PKN3: variants seen among roughly 807,000 people sequenced by gnomAD.
PKN3 encodes protein kinase N3.
A neutral mutation model predicts 113.1 loss-of-function variants in PKN3; 91 were observed. That is an observed-to-expected ratio of 0.80 (90% CI 0.68 to 0.96). PKN3 has a LOEUF of 0.96. PKN3 is among the 40% of genes least tolerant of loss of function. The pLI is 0.00. For missense variants in PKN3, 1,052 were observed against 1,202.2 expected, an observed-to-expected ratio of 0.88 and a Z score of 1.85; for synonymous variants, 467 against 499.0, an observed-to-expected ratio of 0.94 and a Z score of 0.85.
chr9:128,720,069 T>A lies in PKN3; in HGVS notation c.2376+52T>A. ...GCTGGATGGCCGCTCAAGGCCCATG[T>A]GCCCTCTGCCGTGGGACAGCAGACC... On this transcript the variant is annotated intron_variant, in intron 20 of 21. Transcript: ENST00000291906. This position sits in a 1 kb window ranked among gnomAD's most constrained non-coding sequence, Gnocchi z 5.5. 1 of 1,549,196 alleles carries A rather than the reference T, an allele frequency of 6.5e-7. No individual in the cohort carries two copies. The highest frequency in any genetic ancestry group is 8.9e-7 in the Non-Finnish European group (1 of 1,121,468).
In PKN3 at chr9:128,706,758, C is replaced by A. The variant is rs1862030718; in HGVS notation, c.457C>A (p.Gln153Lys). 1 of 1,607,238 alleles carries A rather than the reference C, an allele frequency of 6.2e-7. No individual in the cohort carries two copies. Residue 153 changes from glutamine (Q) to lysine (K), a missense_variant, in exon 4 of 22, where the codon CAG becomes AAG. Gln to Lys is a moderately conservative substitution (Grantham distance 53). This residue lies in a region of PKN3 where 719 missense variants were observed against 759.4 expected (regional missense o/e 0.95). Transcript: ENST00000291906. ...AAAQQMLRDS[Q>K]LKVALLRMKI... is the part of the protein sequence containing the mutation. ...TGCCCAGCAGATGCTGCGGGACAGCCAGCTGAAGGTGGCCCTGCTGCGGAT... is the reference window on the plus strand; with the variant it reads ...TGCCCAGCAGATGCTGCGGGACAGCAAGCTGAAGGTGGCCCTGCTGCGGAT...
At chr9:128,719,575 C>CA in intron 18 of PKN3, 111 bp from the exon 19 acceptor site, 1 of 1,100,894 alleles carries the variant, frequency 9.1e-7, no homozygotes, top group Non-Finnish European at 1.3e-6. Flanking sequence ...TCCTTGGGTA[C>CA]AGGGCAGGGC....
intron 1 of PKN3, chr9:128,703,342 C>G: frequency 1.0e-6 from 1 of 983,582 alleles, no homozygotes; most frequent in Non-Finnish European, 1.2e-6. Context: ...TTAGAATGTG[C>G]GCGCAGCGGG....
At chr9:128,713,742 C>T (rs976697605) in intron 9 of PKN3, 100 bp downstream of exon 9, 201 of 1,241,654 alleles carry the variant, frequency 1.6e-4, no homozygotes, top group Non-Finnish European at 2.0e-4. Context: ...CAGAGACTGA[C>T]GACCAGAGAG....
chr9:128,704,764 C>CCGTCCCTACT (rs1861956648), intron 1 of PKN3, among the ~76,000 whole-genome samples: 1 of 151,866 alleles, frequency 6.6e-6, no homozygotes, highest in African/African-American at 2.4e-5. Flanking sequence ...ACTAAAAATA[C>CCGTCCCTACT]AAAATTAGCC....
chr9:128,718,732 G>T, intron 18 of PKN3, 107 bp downstream of exon 18: 1 of 1,073,564 alleles, frequency 9.3e-7, no homozygotes, highest in Non-Finnish European at 1.4e-6. Context: ...ACCTGCGGAT[G>T]CCCTGGTTCC....
At chr9:128,703,989 G>A (rs918504010) in intron 1 of PKN3, 10 of 985,328 alleles carry the variant, frequency 1.0e-5, no homozygotes, top group African/African-American at 7.0e-5. Flanking sequence ...GGCCTAGGGC[G>A]GTCAGAGGAT....
intron 6 of PKN3, among the ~76,000 whole-genome samples, chr9:128,710,723 C>A (rs1862151223): frequency 6.6e-6 from 1 of 152,006 alleles, no homozygotes; most frequent in African/African-American, 2.4e-5. Flanking sequence ...AACTCCTGAC[C>A]TCAGGTGATC....
In PKN3 at chr9:128,718,358, G is replaced by A. The variant is rs925731096; in HGVS notation, c.2019G>A (p.Gln673=). The A allele has an allele frequency of 3.2e-6, 5 of 1,552,636 alleles. No individual in the cohort carries two copies. In the African/African-American group the frequency reaches 4.1e-5, roughly 13 times the overall value. ...TGGCTTGTGTTGTCCTGGGGCTGCA[G>A]TTCTTACACGAGAAGAAGATCATTT... ...FYVACVVLGL[Q]FLHEKKIIYR... Residue 673 remains glutamine (Q), a synonymous_variant, in exon 17 of 22, where the codon CAG becomes CAA. Transcript: ENST00000291906.
chr9:128,713,087 T>C lies in PKN3; in HGVS notation c.871T>C (p.Leu291=), dbSNP rs1402860438. The C allele has an allele frequency of 1.3e-5, 21 of 1,611,976 alleles. No individual in the cohort carries two copies. The highest frequency in any genetic ancestry group is 1.7e-5 in the Non-Finnish European group (20 of 1,179,178). ...LQVRLLGCEQ[L]LTAVPGRSPA... ...GGTCCGCCTCCTGGGCTGTGAACAG[T>C]TGCTGACAGCCGTGCCTGGGCGCTC... is the stretch of plus-strand genomic sequence containing the variant. Residue 291 remains leucine, a synonymous_variant, in exon 7 of 22, where the codon TTG becomes CTG. Transcript: ENST00000291906.
chr9:128,717,207 C>T (rs934646757), intron 16 of PKN3, among the ~76,000 whole-genome samples: 2 of 135,866 alleles, frequency 1.5e-5, no homozygotes, highest in Admixed American at 1.7e-4. Context: ...CGGCTCACCA[C>T]AACCTCCGCC....
intron 16 of PKN3, among the ~76,000 whole-genome samples, 163 bp from the exon 17 acceptor site, chr9:128,718,162 T>A (rs889796227): frequency 6.6e-6 from 1 of 152,014 alleles, no homozygotes; most frequent in African/African-American, 2.4e-5. Context: ...TTGGGACTAT[T>A]GGAGCACCCC....
At chr9:128,711,302 C>T (rs1175595545) in intron 6 of PKN3, among the ~76,000 whole-genome samples, 1 of 144,662 alleles carries the variant, frequency 6.9e-6, no homozygotes, top group South Asian at 2.2e-4. Flanking sequence ...CACCTCGCCC[C>T]ACCTCTTTTT....
chr9:128,714,998 C>G, intron 13 of PKN3, 133 bp downstream of exon 13: 1 of 1,074,950 alleles, frequency 9.3e-7, no homozygotes, highest in South Asian at 1.3e-5. Context: ...ATTTACTAAA[C>G]CCACATTATT....
chr9:128,709,068 G>A (rs1322314764), intron 6 of PKN3, among the ~76,000 whole-genome samples: 1 of 150,442 alleles, frequency 6.6e-6, no homozygotes, highest in Non-Finnish European at 1.5e-5. Flanking sequence ...GGCGGATCAC[G>A]AGGTCAGGAG....
rs886764421 is a variant in PKN3, at chr9:128,713,538, C to T, written c.1132C>T (p.Arg378Trp). Residue 378 changes from arginine (R) to tryptophan (W), a missense_variant, in exon 9 of 22, where the codon CGG becomes TGG. Transcript: ENST00000291906. The stretch of plus-strand genomic sequence containing the variant: ...GATTGGGGTACACTGGCGGGACTGG[C>T]GGCAGCTATGTGGCGTGGCCTTCCT... ...LEIGVHWRDW[R>W]QLCGVAFLRL... The T allele has an allele frequency of 1.6e-5, 26 of 1,613,746 alleles. No homozygotes were observed. Among genetic ancestry groups the T allele is most frequent in the Non-Finnish European group, 2.0e-5 (24 of 1,179,978 alleles).
At chr9:128,716,706 A>G in intron 15 of PKN3, 41 bp from the exon 16 acceptor site, 1 of 1,565,998 alleles carries the variant, frequency 6.4e-7, no homozygotes. Flanking sequence ...CAGCCCAGGG[A>G]AAGTTTTCCT....
chr9:128,708,569 G>T (rs1862087414), intron 6 of PKN3, among the ~76,000 whole-genome samples: 1 of 152,004 alleles, frequency 6.6e-6, no homozygotes, highest in Non-Finnish European at 1.5e-5. Context: ...TCTTGGCTGG[G>T]CACAGTGGCT....
In PKN3 at chr9:128,713,458, C is replaced by T. The variant is rs116278677; in HGVS notation, c.1093-41C>T. The T allele has an allele frequency of 3.9e-3, 6,310 of 1,613,212 alleles. 207 individuals carry two copies. The African/African-American group carries it at 0.073, about 19-fold the overall frequency. ...GTGGAAGGCTGCCCAGGTCGGGGCT[C>T]GTTCTGCACCCCACCCTTCAGCCTG... On this transcript the variant is annotated intron_variant, in intron 8 of 21. Transcript: ENST00000291906.
Sources: allele counts gnomAD v4.1 joint callset (sites outside exome capture counted in the v4.1 genomes callset), GRCh38; gene constraint gnomAD v4.1.1; regional missense constraint gnomAD v4.1.1; non-coding constraint Gnocchi (gnomAD v3.1); transcripts MANE v1.5; gene names NCBI Gene and HGNC (gene_info 2026-07-23, HGNC 2026-07-21).